The following LRP1B variants were observed in gnomAD, a reference collection of about 807,000 sequenced individuals.
The protein encoded by LRP1B is LDL receptor related protein 1B.
A neutral mutation model predicts 556.6 loss-of-function variants in LRP1B; 217 were observed. The observed-to-expected ratio is 0.39, with a 90% confidence interval of 0.35 to 0.44. The LOEUF (loss-of-function observed/expected upper bound fraction) is 0.44. Among genes scored for constraint, LRP1B ranks in the 20% least tolerant of loss-of-function variants. The pLI is 1.00. For synonymous variants in LRP1B, 2,047 were observed against 1,865.8 expected, an observed-to-expected ratio of 1.10 and a Z score of -2.50; for missense variants, 5,053 against 5,620.8, an observed-to-expected ratio of 0.90 and a Z score of 3.23.
chr2:141,930,966 A>C (rs1465302802), intron 1 of LRP1B, among the ~76,000 whole-genome samples: 1 of 152,064 alleles, frequency 6.6e-6, no homozygotes, highest in Non-Finnish European at 1.5e-5. Context: ...TAGAGACTTC[A>C]TGCTCTTTCA....
intron 85 of LRP1B, 54 bp downstream of exon 85, chr2:140,274,370 C>G (rs369221951): frequency 1.4e-6 from 2 of 1,464,816 alleles, no homozygotes; most frequent in East Asian, 2.3e-5. Flanking sequence ...TACTGAACTG[C>G]AATGTCCATT....
chr2:140,858,147 A>T (rs1692673918), intron 27 of LRP1B, among the ~76,000 whole-genome samples: 1 of 152,126 alleles, frequency 6.6e-6, no homozygotes, highest in South Asian at 2.1e-4. Flanking sequence ...GAGGTGAAGG[A>T]TCTAATAAAC....
intron 2 of LRP1B, among the ~76,000 whole-genome samples, chr2:141,585,739 G>A (rs1232528952): frequency 1.3e-5 from 2 of 152,080 alleles, no homozygotes; most frequent in Non-Finnish European, 2.9e-5. Flanking sequence ...CATTTTAAGA[G>A]AAATGTTACC....
chr2:141,846,944 A>G (rs1697673902), intron 1 of LRP1B, among the ~76,000 whole-genome samples: 1 of 151,532 alleles, frequency 6.6e-6, no homozygotes, highest in Admixed American at 6.6e-5. Flanking sequence ...ATGATTGATG[A>G]ACATCAATGT....
intron 3 of LRP1B, among the ~76,000 whole-genome samples, chr2:141,371,097 C>A (rs776535008): frequency 6.6e-6 from 1 of 152,144 alleles, no homozygotes; most frequent in South Asian, 2.1e-4. Context: ...GATTCTCCTA[C>A]CTCAGCCTCC....
rs542337885 is a variant in LRP1B, at chr2:142,054,954, G to C, written c.82+75694C>G. Among the ~76,000 whole-genome samples, 61 of 152,210 alleles carry C rather than the reference G, an allele frequency of 4.0e-4. No homozygotes were observed. In the South Asian group the frequency reaches 0.012, roughly 29 times the overall value. ...TGTTTCACATCAGTGAATTTTACAA[G>C]TAACTCAAATCTTGTCTTTAGAGTT... On this transcript the variant is annotated intron_variant, in intron 1 of 90. Coordinates refer to ENST00000389484, the MANE Select transcript of LRP1B (RefSeq NM_018557.3).
chr2:140,906,081 T>C (rs1193095987), intron 22 of LRP1B, among the ~76,000 whole-genome samples: 1 of 152,162 alleles, frequency 6.6e-6, no homozygotes, highest in Non-Finnish European at 1.5e-5. Flanking sequence ...TCTGTTTTCA[T>C]TGTTCTAAGT....
At chr2:141,311,484 T>G (rs558628923) in intron 3 of LRP1B, among the ~76,000 whole-genome samples, 1 of 152,282 alleles carries the variant, frequency 6.6e-6, no homozygotes, top group East Asian at 1.9e-4. Context: ...GAATAGTTGT[T>G]GCTGTGGTTT....
At chr2:142,060,055 A>G (rs1402129367) in intron 1 of LRP1B, among the ~76,000 whole-genome samples, 1 of 152,116 alleles carries the variant, frequency 6.6e-6, no homozygotes, top group Non-Finnish European at 1.5e-5. Context: ...AAAACTCGGG[A>G]GCTCTTGCTA....
chr2:141,640,188 T>C (rs1346277152), intron 2 of LRP1B, among the ~76,000 whole-genome samples: 1 of 152,006 alleles, frequency 6.6e-6, no homozygotes, highest in East Asian at 1.9e-4. Flanking sequence ...ATAGGATTCA[T>C]TTGTTTCCCT....
chr2:140,706,766 C>T (rs11900955), intron 37 of LRP1B, among the ~76,000 whole-genome samples: 27,426 of 151,972 alleles, frequency 0.18, 2,611 homozygotes, highest in South Asian at 0.24. Context: ...TATTTGTCTT[C>T]TGACAACTGT....
chr2:141,205,981 G>A lies in LRP1B; in HGVS notation c.851-17398C>T, dbSNP rs191749883. On this transcript the variant is annotated intron_variant, in intron 6 of 90. Transcript: ENST00000389484. ...AGGAGTTTCTGAAATCACTTGAGAG[G>A]AGCAAACCATAGACTGGGCCTAATG... Among the ~76,000 whole-genome samples the A allele has an allele frequency of 1.4e-3, 216 of 152,248 alleles. 2 individuals are homozygous for A. Among genetic ancestry groups the A allele is most frequent in the African/African-American group, 4.8e-3 (200 of 41,526 alleles).
intron 3 of LRP1B, among the ~76,000 whole-genome samples, chr2:141,303,193 T>C (rs1686459875): frequency 6.6e-6 from 1 of 152,138 alleles, no homozygotes. Flanking sequence ...TATTGTGATA[T>C]TTTGTTACAT....
intron 35 of LRP1B, among the ~76,000 whole-genome samples, chr2:140,743,645 T>C (rs1301325380): frequency 6.6e-6 from 1 of 152,086 alleles, no homozygotes; most frequent in African/African-American, 2.4e-5. Flanking sequence ...TATTAAGTGT[T>C]AGCTGTTATT....
Position 140,806,947 on chromosome 2 carries a change from C to T in LRP1B, c.5359+6710G>A, listed in dbSNP as rs1486123. 2.6e-3 allele frequency among the ~76,000 whole-genome samples: 398 copies of T among 152,286 alleles called. 3 individuals are homozygous for T. Among genetic ancestry groups the T allele is most frequent in the African/African-American group, 9.3e-3 (387 of 41,560 alleles). Reference sequence around the variant, plus strand: ...TTCAACTTTCTCTTCAGTGTAAATACAATATATGCAGTCTGCTCTCAAACT... The same window carrying T: ...TTCAACTTTCTCTTCAGTGTAAATATAATATATGCAGTCTGCTCTCAAACT... On this transcript the variant is annotated intron_variant, in intron 32 of 90. Transcript: ENST00000389484.
chr2:140,370,891 C>T (rs751579585), intron 70 of LRP1B, 49 bp from the exon 71 acceptor site: 1 of 1,582,460 alleles, frequency 6.3e-7, no homozygotes, highest in East Asian at 2.3e-5. Context: ...GATAATGATA[C>T]AATCATGGGC....
At chr2:141,928,593 T>C (rs936160798) in intron 1 of LRP1B, among the ~76,000 whole-genome samples, 2 of 152,140 alleles carry the variant, frequency 1.3e-5, no homozygotes, top group Non-Finnish European at 2.9e-5. Flanking sequence ...GTCAAACATA[T>C]TGGTATCTGA....
At chr2:141,664,352 G>A (rs539170384) in intron 2 of LRP1B, among the ~76,000 whole-genome samples, 23 of 152,240 alleles carry the variant, frequency 1.5e-4, no homozygotes, top group East Asian at 5.8e-4. Flanking sequence ...TAGAAGTTCC[G>A]GCCAGGGCAA....
intron 29 of LRP1B, among the ~76,000 whole-genome samples, chr2:140,842,617 T>TA (rs1481141012): frequency 6.6e-6 from 1 of 152,070 alleles, no homozygotes; most frequent in Non-Finnish European, 1.5e-5. Flanking sequence ...TTTTTTTTTT[T>TA]AGACAAAAGT....
Sources: gnomAD v4.1 joint callset for allele counts (sites outside exome capture counted in the v4.1 genomes callset) on GRCh38, gnomAD v4.1.1 for gene constraint, MANE v1.5 for transcripts, NCBI Gene and HGNC (gene_info 2026-07-23, HGNC 2026-07-21) for gene names.